Variants in GATAD2A observed in about 807,000 individuals in gnomAD.
GATAD2A encodes GATA zinc finger domain containing 2A.
GATAD2A carries 12 observed loss-of-function variants against 68.5 expected under a neutral mutation model. The observed-to-expected ratio is 0.18, with a 90% confidence interval of 0.11 to 0.28. The LOEUF is 0.28. Among genes scored for constraint, GATAD2A ranks in the 10% least tolerant of loss-of-function variants. The pLI is 1.00. For synonymous variants in GATAD2A, 410 were observed against 375.3 expected, an observed-to-expected ratio of 1.09 and a Z score of -1.07; for missense variants, 755 against 868.5, an observed-to-expected ratio of 0.87 and a Z score of 1.64.
intron 1 of GATAD2A, among the ~76,000 whole-genome samples, chr19:19,396,187 G>A (rs183994628): frequency 5.3e-5 from 8 of 152,248 alleles, no homozygotes; most frequent in East Asian, 1.9e-4. Context: ...GGTGGTGGGC[G>A]CCTCTAATCC....
At position 19,498,663 on chromosome 19, in the gene GATAD2A, A is replaced by G. The variant is rs755425032; in HGVS notation, c.1145A>G (p.Asn382Ser). The change falls in exon 8 of 12, where the codon AAC (asparagine) becomes AGC (serine). Residue 382 changes from asparagine to serine, a missense_variant. Asn to Ser is a conservative substitution (Grantham distance 46, BLOSUM62 1). Coordinates refer to ENST00000683918, the MANE Select transcript of GATAD2A (RefSeq NM_001384528.1). ...EMNFLPSAAN[N>S]EFIYLVGLEE... is the part of the protein sequence containing the mutation. Reference sequence around the variant, plus strand: ...AACTTCCTGCCCAGCGCCGCCAACAACGAGTTCATCTACCTGGTCGGCCTG... The same window carrying G: ...AACTTCCTGCCCAGCGCCGCCAACAGCGAGTTCATCTACCTGGTCGGCCTG... 2.5e-6 allele frequency: 4 copies of G among 1,613,888 alleles called. No individual in the cohort carries two copies. The South Asian group carries it at 4.4e-5, about 18-fold the overall frequency.
chr19:19,429,470 G>T (rs951810225), intron 1 of GATAD2A, among the ~76,000 whole-genome samples: 2 of 152,132 alleles, frequency 1.3e-5, no homozygotes, highest in Admixed American at 6.5e-5. Flanking sequence ...ACTTGCGGCT[G>T]AAGTGGGCCG....
chr19:19,486,557 T>G (rs1050737154), intron 2 of GATAD2A, among the ~76,000 whole-genome samples: 1 of 152,146 alleles, frequency 6.6e-6, no homozygotes, highest in Non-Finnish European at 1.5e-5. Context: ...ATGACAGCCT[T>G]GGGGCAGCTC....
At chr19:19,444,460 A>G (rs2055467629) in intron 1 of GATAD2A, among the ~76,000 whole-genome samples, 1 of 152,154 alleles carries the variant, frequency 6.6e-6, no homozygotes. Context: ...TAGGAGGCCT[A>G]TCGTTGTTGG....
upstream of GATAD2A, among the ~76,000 whole-genome samples, chr19:19,405,098 C>G (rs1241134742): frequency 6.6e-6 from 1 of 152,038 alleles, no homozygotes; most frequent in Admixed American, 6.6e-5. Context: ...CCCTGAGGCA[C>G]GAGGGCAGAT....
In GATAD2A at chr19:19,507,867, C is replaced by A. The variant is rs1009148012; in HGVS notation, c.*2393C>A. The A allele has an allele frequency of 6.6e-6, 1 of 152,158 alleles. No individual in the cohort carries two copies. The allele number at this position is 152,158 out of a possible 1,614,324, so 9.4% of individuals were successfully genotyped here. On this transcript the variant is annotated 3_prime_UTR_variant, in exon 12 of 12. Transcript: ENST00000683918. ...TCCTTTCAGTTCCTTGCAGCATAAC[C>A]TCTACGATAAGCCCCAAGCGGGTTG... is the stretch of plus-strand genomic sequence containing the variant.
At chr19:19,498,126 G>A (rs2060270103) in intron 7 of GATAD2A, among the ~76,000 whole-genome samples, 1 of 152,252 alleles carries the variant, frequency 6.6e-6, no homozygotes, top group Non-Finnish European at 1.5e-5. Flanking sequence ...CCTGGTGACA[G>A]CCACATGGGT....
In GATAD2A at chr19:19,498,664, C is replaced by T. The variant is rs779353410; in HGVS notation, c.1146C>T (p.Asn382=). The T allele has an allele frequency of 7.4e-6, 12 of 1,613,786 alleles. No individual in the cohort carries two copies. The highest frequency in any genetic ancestry group is 4.5e-5 in the East Asian group (2 of 44,904). Residue 382 remains asparagine, a synonymous_variant, in exon 8 of 12, where the codon AAC becomes AAT. Transcript: ENST00000683918. ...ACTTCCTGCCCAGCGCCGCCAACAA[C>T]GAGTTCATCTACCTGGTCGGCCTGG... ...EMNFLPSAAN[N]EFIYLVGLEE... is the part of the protein sequence containing the mutation.
At chr19:19,479,728 A>G (rs1311762373) in intron 2 of GATAD2A, among the ~76,000 whole-genome samples, 3 of 150,586 alleles carry the variant, frequency 2.0e-5, no homozygotes, top group Non-Finnish European at 2.9e-5. Flanking sequence ...GTGAGGTGCC[A>G]TTTGTCAGGT....
chr19:19,449,947 TATCTTATATTAA>T (rs57938103), intron 1 of GATAD2A, among the ~76,000 whole-genome samples: 25,713 of 152,104 alleles, frequency 0.17, 2,236 homozygotes, highest in East Asian at 0.27. Context: ...TTTATTTATT[TATCTTATATTAA>T]AAGGTTTTTT....
intron 1 of GATAD2A, among the ~76,000 whole-genome samples, chr19:19,447,304 T>A (rs1035271927): frequency 6.6e-6 from 1 of 151,096 alleles, no homozygotes; most frequent in Admixed American, 6.6e-5. Context: ...AGGAGAGGGG[T>A]TGGTTGGACT....
At chr19:19,498,029 A>G (rs1416822106) in intron 7 of GATAD2A, among the ~76,000 whole-genome samples, 2 of 152,214 alleles carry the variant, frequency 1.3e-5, no homozygotes, top group Admixed American at 6.5e-5. Context: ...TGCTGCGGTG[A>G]GCACCCTCTT....
chr19:19,460,930 C>G (rs1279036901), intron 1 of GATAD2A, among the ~76,000 whole-genome samples: 1 of 152,218 alleles, frequency 6.6e-6, no homozygotes, highest in Non-Finnish European at 1.5e-5. Flanking sequence ...GCCGCCCGTT[C>G]CACCCAGCCC....
At chr19:19,502,285 C>T (rs752025676) in intron 10 of GATAD2A, 46 bp from the exon 11 acceptor site, 6 of 1,420,898 alleles carry the variant, frequency 4.2e-6, no homozygotes, top group East Asian at 4.6e-5. Flanking sequence ...TCGCCTGCTG[C>T]TGTCTTTTCC....
At chr19:19,415,326 A>G (rs545697737) in intron 1 of GATAD2A, among the ~76,000 whole-genome samples, 1 of 150,460 alleles carries the variant, frequency 6.6e-6, no homozygotes, top group Admixed American at 6.6e-5. Context: ...CTAATTTTGT[A>G]TTTTTAGTAG....
chr19:19,453,560 A>G (rs1397329916), intron 1 of GATAD2A, among the ~76,000 whole-genome samples: 2 of 152,174 alleles, frequency 1.3e-5, no homozygotes, highest in Admixed American at 1.3e-4. Flanking sequence ...TAGTGGCACA[A>G]TCACAGCTCA....
At chr19:19,412,826 C>T (rs1352642085) in intron 1 of GATAD2A, among the ~76,000 whole-genome samples, 2 of 152,162 alleles carry the variant, frequency 1.3e-5, no homozygotes, top group East Asian at 1.9e-4. Flanking sequence ...GCCCTGACCT[C>T]GGAGGTGGGC....
intron 1 of GATAD2A, among the ~76,000 whole-genome samples, chr19:19,446,399 A>G (rs1261993263): frequency 2.0e-5 from 3 of 150,828 alleles, no homozygotes; most frequent in African/African-American, 4.9e-5. Context: ...TTTGTTGCTG[A>G]GTTGTAAGGA....
Position 19,506,068 on chromosome 19 carries a change from C to G in GATAD2A, c.*594C>G, listed in dbSNP as rs1331260874. 1 of 398,926 alleles carries G rather than the reference C, an allele frequency of 2.5e-6. No homozygotes were observed. The highest frequency in any genetic ancestry group is 4.4e-6 in the Non-Finnish European group (1 of 226,100). The allele number at this position is 398,926 out of a possible 1,614,324, so 24.7% of individuals were successfully genotyped here. A position where few individuals can be genotyped will look rare whatever the true frequency, so the allele number is the denominator to read the frequency against. On this transcript the variant is annotated 3_prime_UTR_variant, in exon 12 of 12. Coordinates refer to ENST00000683918, the MANE Select transcript of GATAD2A (RefSeq NM_001384528.1). ...TTGTACGCTGCATCATCCCGCTGGC[C>G]CTGTGCCCTGGAGGGTGGGCGGCTC... is the stretch of plus-strand genomic sequence containing the variant.
Sources: allele counts gnomAD v4.1 joint callset (sites outside exome capture counted in the v4.1 genomes callset), GRCh38; gene constraint gnomAD v4.1.1; transcripts MANE v1.5; gene names NCBI Gene and HGNC (gene_info 2026-07-23, HGNC 2026-07-21).